The following CSMD1 variants were observed in gnomAD, a reference collection of about 807,000 sequenced individuals.
The protein encoded by CSMD1 is CUB and sushi domain-containing protein 1.
CSMD1 carries 213 observed loss-of-function variants against 417.5 expected under a neutral mutation model. The observed-to-expected ratio is 0.51, with a 90% confidence interval of 0.46 to 0.57. The LOEUF (loss-of-function observed/expected upper bound fraction) is 0.57, where lower values mean the gene tolerates loss of function less well. Among genes scored for constraint, CSMD1 ranks in the 20% least tolerant of loss-of-function variants. The pLI, the probability that CSMD1 is intolerant of heterozygous loss-of-function variation, is 0.00. For missense variants in CSMD1, 6,923 were observed against 4,529.7 expected (o/e 1.53, Z -15.17); for synonymous variants, 2,862 against 1,736.8 (o/e 1.65, Z -16.11).
rs564200515 is a variant in CSMD1, at chr8:4,698,001, G to A, written c.86-60443C>T. Among the ~76,000 whole-genome samples the A allele has an allele frequency of 9.9e-5, 15 of 152,144 alleles. No individual in the cohort carries two copies. In the South Asian group the frequency reaches 1.0e-3, roughly 11 times the overall value. On this transcript the variant is annotated intron_variant, in intron 1 of 69. Transcript: ENST00000635120. Reference sequence around the variant, plus strand: ...TTCATTACCATCTAGATCTTACATCGAACACTTAATATGTCCATAGAGAAA... The same window carrying A: ...TTCATTACCATCTAGATCTTACATCAAACACTTAATATGTCCATAGAGAAA...
At chr8:4,206,812 T>G (rs1274876019) in intron 3 of CSMD1, among the ~76,000 whole-genome samples, 7 of 152,220 alleles carry the variant, frequency 4.6e-5, no homozygotes, top group Admixed American at 4.6e-4. Context: ...GTTCTAATAT[T>G]TATGACTTTT....
intron 22 of CSMD1, among the ~76,000 whole-genome samples, chr8:3,346,867 T>A (rs1335041865): frequency 6.6e-6 from 1 of 152,176 alleles, no homozygotes; most frequent in African/African-American, 2.4e-5. Flanking sequence ...CCTAGAATTT[T>A]AAAAAGGGAA....
intron 3 of CSMD1, among the ~76,000 whole-genome samples, chr8:4,054,678 T>G (rs779020212): frequency 3.9e-5 from 6 of 152,112 alleles, no homozygotes; most frequent in Non-Finnish European, 7.4e-5. Flanking sequence ...CATAGGACAT[T>G]AGCTGAATAC....
chr8:4,624,748 C>T (rs933164249), intron 2 of CSMD1, among the ~76,000 whole-genome samples: 2 of 152,142 alleles, frequency 1.3e-5, no homozygotes, highest in African/African-American at 4.8e-5. Flanking sequence ...CTGATTCACA[C>T]TCTCTGCCTG....
intron 57 of CSMD1, among the ~76,000 whole-genome samples, chr8:2,970,532 A>G (rs1804366677): frequency 6.6e-6 from 1 of 152,232 alleles, no homozygotes; most frequent in African/African-American, 2.4e-5. Flanking sequence ...TAAAGTCTGA[A>G]TAATTATTCC....
At chr8:3,305,706 C>T (rs529168755) in intron 25 of CSMD1, among the ~76,000 whole-genome samples, 1 of 152,120 alleles carries the variant, frequency 6.6e-6, no homozygotes, top group African/African-American at 2.4e-5. Flanking sequence ...TCTTGAGACA[C>T]AGTCTCACTG....
Position 4,608,716 on chromosome 8 carries a change from A to G in CSMD1, c.302+28626T>C, listed in dbSNP as rs568977116. 4.6e-5 allele frequency among the ~76,000 whole-genome samples: 7 copies of G among 152,344 alleles called. No individual in the cohort carries two copies. In the South Asian group the frequency reaches 8.3e-4, roughly 18 times the overall value. On this transcript the variant is annotated intron_variant, in intron 2 of 69. Transcript: ENST00000635120. The stretch of plus-strand genomic sequence containing the variant: ...ATGAAAATTATCCTTCAGGCATTTC[A>G]GAAGTGAAGTCTGTGACGATGTGTT...
At chr8:3,942,203 G>C (rs911074061) in intron 5 of CSMD1, among the ~76,000 whole-genome samples, 2 of 151,908 alleles carry the variant, frequency 1.3e-5, no homozygotes, top group African/African-American at 4.8e-5. Flanking sequence ...CTACATTATG[G>C]TGACTTGTAT....
intron 11 of CSMD1, among the ~76,000 whole-genome samples, chr8:3,481,179 ACC>A (rs1384262741): frequency 2.1e-4 from 27 of 127,970 alleles, no homozygotes; most frequent in Non-Finnish European, 2.6e-4. Flanking sequence ...AAAAAAAAAA[ACC>A]AGAGTAGTTG....
chr8:4,297,137 T>C (rs1442326822), intron 3 of CSMD1, among the ~76,000 whole-genome samples: 3 of 152,082 alleles, frequency 2.0e-5, no homozygotes, highest in African/African-American at 7.2e-5. Context: ...TTAATTGGCA[T>C]AAAAATATAA....
At chr8:3,658,555 G>C (rs1798245581) in intron 7 of CSMD1, among the ~76,000 whole-genome samples, 1 of 151,494 alleles carries the variant, frequency 6.6e-6, no homozygotes, top group Non-Finnish European at 1.5e-5. Context: ...GGCCAAGGCA[G>C]GTGGATGACT....
At chr8:4,070,699 T>C (rs191863310) in intron 3 of CSMD1, among the ~76,000 whole-genome samples, 8 of 152,220 alleles carry the variant, frequency 5.3e-5, no homozygotes, top group African/African-American at 1.7e-4. Flanking sequence ...GATCCAAGTT[T>C]TCACCACAGG....
At chr8:4,137,837 G>T (rs909994648) in intron 3 of CSMD1, among the ~76,000 whole-genome samples, 11 of 149,706 alleles carry the variant, frequency 7.3e-5, no homozygotes, top group Non-Finnish European at 1.3e-4. Context: ...CTCAGTTAGT[G>T]TTATTTTACC....
At chr8:3,919,829 G>T (rs927403074) in intron 5 of CSMD1, among the ~76,000 whole-genome samples, 1 of 151,936 alleles carries the variant, frequency 6.6e-6, no homozygotes, top group Non-Finnish European at 1.5e-5. Context: ...ATAATTTTCA[G>T]TGTACAGATC....
At chr8:3,038,549 T>A (rs1297457456) in intron 50 of CSMD1, among the ~76,000 whole-genome samples, 1 of 152,196 alleles carries the variant, frequency 6.6e-6, no homozygotes, top group South Asian at 2.1e-4. Context: ...CTTGTGGTTA[T>A]TTGTTTTGTT....
At chr8:3,419,774 T>C (rs1813373787) in intron 12 of CSMD1, among the ~76,000 whole-genome samples, 1 of 152,196 alleles carries the variant, frequency 6.6e-6, no homozygotes, top group Non-Finnish European at 1.5e-5. Context: ...TTAAAAGAAA[T>C]AATCTTCATC....
intron 3 of CSMD1, among the ~76,000 whole-genome samples, chr8:4,041,653 A>G (rs915045220): frequency 6.6e-6 from 1 of 152,196 alleles, no homozygotes; most frequent in African/African-American, 2.4e-5. Flanking sequence ...AGAAAACTCA[A>G]TCAATGAAAA....
At chr8:4,960,888 A>C (rs930138652) in intron 1 of CSMD1, among the ~76,000 whole-genome samples, 1 of 152,030 alleles carries the variant, frequency 6.6e-6, no homozygotes, top group African/African-American at 2.4e-5. Flanking sequence ...AGATTCCTCA[A>C]CTCCTGAAAT....
intron 18 of CSMD1, among the ~76,000 whole-genome samples, chr8:3,381,127 A>G (rs1055280556): frequency 6.6e-6 from 1 of 152,166 alleles, no homozygotes; most frequent in African/African-American, 2.4e-5. Context: ...TGACTGTGCT[A>G]TGATGAACAG....
Sources: allele counts gnomAD v4.1 joint callset (sites outside exome capture counted in the v4.1 genomes callset), GRCh38; gene constraint gnomAD v4.1.1; transcripts MANE v1.5; gene names NCBI Gene and HGNC (gene_info 2026-07-23, HGNC 2026-07-21).